The following SMOC2 variants were observed in gnomAD, a reference collection of about 807,000 sequenced individuals.
SMOC2 encodes the protein SPARC related modular calcium binding 2.
SMOC2 carries 39 observed loss-of-function variants against 61.4 expected under a neutral mutation model. The observed-to-expected ratio is 0.64, with a 90% confidence interval of 0.49 to 0.83. The LOEUF (loss-of-function observed/expected upper bound fraction) is 0.83, where lower values mean the gene tolerates loss of function less well. SMOC2 is among the 40% of genes least tolerant of loss of function. The pLI, the probability that SMOC2 is intolerant of heterozygous loss-of-function variation, is 0.00. For missense variants in SMOC2, 556 were observed against 592.9 expected (o/e 0.94, Z 0.65); for synonymous variants, 247 against 239.9 (o/e 1.03, Z -0.27).
At chr6:168,478,377 G>A (rs1464484778) in intron 1 of SMOC2, among the ~76,000 whole-genome samples, 1 of 151,896 alleles carries the variant, frequency 6.6e-6, no homozygotes, top group Non-Finnish European at 1.5e-5. Flanking sequence ...ACTAGAGACA[G>A]AGTTTTAGGG....
At chr6:168,591,672 T>C (rs1170386667) in intron 7 of SMOC2, among the ~76,000 whole-genome samples, 1 of 149,886 alleles carries the variant, frequency 6.7e-6, no homozygotes, top group Non-Finnish European at 1.5e-5. Flanking sequence ...TATATATGTA[T>C]GCATGTGTGT....
In SMOC2 at chr6:168,619,693, G is replaced by A. The variant is rs569495465; in HGVS notation, c.907+11454G>A. ...TCTCACTTACTTCCCGTTTGCCGCTGACTCAGGCAGGAAACCACCGTGGTA... is the reference window on the plus strand; with the variant it reads ...TCTCACTTACTTCCCGTTTGCCGCTAACTCAGGCAGGAAACCACCGTGGTA... On this transcript the variant is annotated intron_variant, in intron 9 of 12. Transcript: ENST00000356284. 4.6e-5 allele frequency among the ~76,000 whole-genome samples: 7 copies of A among 152,286 alleles called. No individual in the cohort carries two copies. The East Asian group carries it at 1.4e-3, about 29-fold the overall frequency.
chr6:168,631,571 G>A (rs748506667), intron 9 of SMOC2, among the ~76,000 whole-genome samples: 2 of 152,212 alleles, frequency 1.3e-5, no homozygotes, highest in Admixed American at 6.5e-5. Flanking sequence ...TTAAGGATTG[G>A]CAACTAATAA....
At chr6:168,557,395 A>G (rs979830258) in intron 7 of SMOC2, among the ~76,000 whole-genome samples, 8 of 152,236 alleles carry the variant, frequency 5.3e-5, no homozygotes, top group African/African-American at 9.6e-5. Flanking sequence ...TTTAATTTCA[A>G]TCATATTTGA....
At chr6:168,549,292 A>T (rs998140784) in intron 7 of SMOC2, 89 bp downstream of exon 7, 14 of 1,254,408 alleles carry the variant, frequency 1.1e-5, no homozygotes, top group Admixed American at 1.8e-5. Context: ...AGTGTATTGT[A>T]CAGTTGACCC....
chr6:168,505,223 C>T (rs559473303), intron 1 of SMOC2, among the ~76,000 whole-genome samples: 1 of 118,490 alleles, frequency 8.4e-6, no homozygotes, highest in East Asian at 3.7e-4. Flanking sequence ...ATGAAATGTC[C>T]ATCTCTCAGA....
At chr6:168,532,992 C>G (rs1008614079) in intron 4 of SMOC2, among the ~76,000 whole-genome samples, 2 of 152,174 alleles carry the variant, frequency 1.3e-5, no homozygotes, top group Admixed American at 1.3e-4. Flanking sequence ...CTAACAAGCT[C>G]TGTAACATGC....
intron 11 of SMOC2, among the ~76,000 whole-genome samples, chr6:168,659,569 GTTGA>G (rs1787428399): frequency 6.9e-6 from 1 of 145,688 alleles, no homozygotes; most frequent in African/African-American, 2.5e-5. Context: ...GAGGTTGTAG[GTTGA>G]GTCAGGGTGG....
chr6:168,598,841 C>CA lies in SMOC2; in HGVS notation c.662dup (p.Ser222ValfsTer18), dbSNP rs1785397249. ...AGTGTCATCCTGTGACCAAGAGCACCAGTCTGCCCTGGAGGAAGCCAAGCA... is the reference window on the plus strand; with the variant it reads ...AGTGTCATCCTGTGACCAAGAGCACCAAGTCTGCCCTGGAGGAAGCCAAGCA... On this transcript the variant is annotated frameshift_variant, in exon 8 of 13. Coordinates refer to ENST00000356284, the MANE Select transcript of SMOC2 (RefSeq NM_001166412.2). LOFTEE classifies it high-confidence loss of function. 5 of 1,613,680 alleles carry CA rather than the reference C, an allele frequency of 3.1e-6. No homozygotes were observed. Among genetic ancestry groups the CA allele is most frequent in the Non-Finnish European group, 2.5e-6 (3 of 1,179,802 alleles).
chr6:168,655,685 A>G (rs1233865200), intron 11 of SMOC2, among the ~76,000 whole-genome samples: 4 of 149,336 alleles, frequency 2.7e-5, no homozygotes, highest in East Asian at 4.1e-4. Context: ...TCCCTCACAC[A>G]TGTGTGCTAG....
At chr6:168,606,382 T>C (rs16887194) in intron 8 of SMOC2, among the ~76,000 whole-genome samples, 26,631 of 152,048 alleles carry the variant, frequency 0.18, 2,449 homozygotes, top group Middle Eastern at 0.3. Context: ...TTCAAAAAGA[T>C]ATATTAAGTT....
Position 168,650,854 on chromosome 6 carries a change from A to T in SMOC2, c.1010+71A>T. On this transcript the variant is annotated intron_variant, in intron 10 of 12. Transcript: ENST00000356284. ...ATTCTGGGGAATCTGGAAAGTCTGA[A>T]CATTACATATTGGCAACCTTCTCAG... is the stretch of plus-strand genomic sequence containing the variant. The T allele has an allele frequency of 2.2e-6, 3 of 1,392,704 alleles. No individual in the cohort carries two copies. The South Asian group carries it at 3.7e-5, about 17-fold the overall frequency. 86.3% of individuals were successfully genotyped at this position (1,392,704 alleles called of 1,614,324 possible).
intron 1 of SMOC2, among the ~76,000 whole-genome samples, chr6:168,494,748 C>A (rs1274441701): frequency 6.6e-6 from 1 of 152,178 alleles, no homozygotes; most frequent in African/African-American, 2.4e-5. Flanking sequence ...TGAGAGTGAA[C>A]CCTCGGCTGG....
chr6:168,589,076 C>CAAAAAA (rs35958554), intron 7 of SMOC2, among the ~76,000 whole-genome samples: 1 of 89,898 alleles, frequency 1.1e-5, no homozygotes, highest in East Asian at 3.1e-4. Context: ...GAATTCGTCT[C>CAAAAAA]AAAAAAAAAA....
chr6:168,643,798 C>T (rs550012395), intron 9 of SMOC2, among the ~76,000 whole-genome samples: 1 of 152,348 alleles, frequency 6.6e-6, no homozygotes, highest in South Asian at 2.1e-4. Context: ...TCAGTTTCTC[C>T]CTCAGACACT....
At chr6:168,476,209 A>G (rs1782079748) in intron 1 of SMOC2, among the ~76,000 whole-genome samples, 1 of 152,132 alleles carries the variant, frequency 6.6e-6, no homozygotes, top group South Asian at 2.1e-4. Flanking sequence ...GAGTTAACAG[A>G]TATGGCGGAA....
intron 12 of SMOC2, chr6:168,664,972 C>T: frequency 2.8e-6 from 1 of 354,288 alleles, no homozygotes; most frequent in Non-Finnish European, 5.6e-6. Context: ...GTGGAGGCGG[C>T]CAGCACACAC....
intron 9 of SMOC2, among the ~76,000 whole-genome samples, chr6:168,623,438 G>A (rs567528689): frequency 2.0e-5 from 3 of 146,826 alleles, no homozygotes; most frequent in East Asian, 2.0e-4. Context: ...CAATTCTCCC[G>A]CCTCAGCCTC....
At chr6:168,538,325 A>T (rs1395679695) in intron 4 of SMOC2, among the ~76,000 whole-genome samples, 2 of 49,548 alleles carry the variant, frequency 4.0e-5, no homozygotes, top group Admixed American at 2.5e-4. Context: ...AATGTGGGGG[A>T]GTGGGGTGAC....
Sources: allele counts gnomAD v4.1 joint callset (sites outside exome capture counted in the v4.1 genomes callset), GRCh38; gene constraint gnomAD v4.1.1; transcripts MANE v1.5; gene names NCBI Gene and HGNC (gene_info 2026-07-23, HGNC 2026-07-21).